LRRC8B: variants seen among roughly 807,000 people sequenced by gnomAD.
LRRC8B encodes leucine rich repeat containing 8 VRAC subunit B.
Under a neutral mutation model 58.8 loss-of-function variants are expected in LRRC8B, and 23 were observed. That is an observed-to-expected ratio of 0.39 (90% CI 0.28 to 0.55). The LOEUF is 0.55. LRRC8B is among the 20% of genes least tolerant of loss of function. The pLI, the probability that LRRC8B is intolerant of heterozygous loss-of-function variation, is 0.62. For missense variants in LRRC8B, 694 were observed against 936.0 expected (o/e 0.74, Z 3.37); for synonymous variants, 359 against 374.1 (o/e 0.96, Z 0.47).
rs1468834789 is a variant in LRRC8B, at chr1:89,595,675, C to A, written c.*2632C>A. Reference sequence around the variant, plus strand: ...TACATCTTTTAATTTAAACCTTATACACCAGTGTTTAGGTCGCTTTTGAGA... The same window carrying A: ...TACATCTTTTAATTTAAACCTTATAAACCAGTGTTTAGGTCGCTTTTGAGA... On this transcript the variant is annotated 3_prime_UTR_variant, in exon 6 of 6. Coordinates refer to ENST00000330947, the MANE Select transcript of LRRC8B (RefSeq NM_001369817.2). The A allele has an allele frequency of 6.6e-6, 1 of 152,082 alleles. No individual in the cohort carries two copies. The highest frequency in any genetic ancestry group is 1.5e-5 in the Non-Finnish European group (1 of 67,970). The allele number at this position is 152,082 out of a possible 1,614,324, so 9.4% of individuals were successfully genotyped here. A position where few individuals can be genotyped will look rare whatever the true frequency, so the allele number is the denominator to read the frequency against.
chr1:89,550,119 A>G (rs910392182), intron 1 of LRRC8B: 2 of 152,168 alleles, frequency 1.3e-5, no homozygotes, highest in Non-Finnish European at 2.9e-5. Flanking sequence ...AGGGATACCT[A>G]AGGAGCCCTA....
chr1:89,525,654 G>A (rs1649633160), intron 1 of LRRC8B, among the ~76,000 whole-genome samples: 1 of 152,252 alleles, frequency 6.6e-6, no homozygotes, highest in African/African-American at 2.4e-5. Flanking sequence ...AGTTGAGCAG[G>A]TGCTGAGAGG....
At chr1:89,591,005 C>A (rs529139795) in intron 5 of LRRC8B, among the ~76,000 whole-genome samples, 4 of 152,158 alleles carry the variant, frequency 2.6e-5, no homozygotes, top group Non-Finnish European at 5.9e-5. Flanking sequence ...CTGCACAGGA[C>A]AGCCCCACAG....
intron 5 of LRRC8B, among the ~76,000 whole-genome samples, chr1:89,590,735 C>A (rs1364108595): frequency 6.6e-6 from 1 of 152,232 alleles, no homozygotes. Context: ...TGCTGGGAAT[C>A]TGAAGCTGAC....
chr1:89,526,024 A>G (rs1218296934), intron 1 of LRRC8B, among the ~76,000 whole-genome samples: 1 of 152,242 alleles, frequency 6.6e-6, no homozygotes, highest in Admixed American at 6.5e-5. Flanking sequence ...CAAATGATAT[A>G]GTAGTCTTTG....
At chr1:89,578,634 A>G (rs977614307) in intron 3 of LRRC8B, among the ~76,000 whole-genome samples, 1 of 152,248 alleles carries the variant, frequency 6.6e-6, no homozygotes, top group Non-Finnish European at 1.5e-5. Flanking sequence ...GACAAGCTTA[A>G]AAGATTATTG....
chr1:89,571,430 T>C (rs1450999476), intron 3 of LRRC8B, among the ~76,000 whole-genome samples: 1 of 152,204 alleles, frequency 6.6e-6, no homozygotes, highest in Non-Finnish European at 1.5e-5. Context: ...GTTATCTGTA[T>C]TCCTAGGTAT....
chr1:89,569,281 T>C (rs908764961), intron 3 of LRRC8B, among the ~76,000 whole-genome samples: 2 of 152,204 alleles, frequency 1.3e-5, no homozygotes. Flanking sequence ...TCTGACTCTT[T>C]GAGTTAACTA....
At chr1:89,584,984 C>T (rs962670705) in intron 5 of LRRC8B, among the ~76,000 whole-genome samples, 195 bp downstream of exon 5, 3 of 152,180 alleles carry the variant, frequency 2.0e-5, no homozygotes, top group Non-Finnish European at 4.4e-5. Flanking sequence ...TATGAAAAAA[C>T]ATAAAAGCAT....
intron 1 of LRRC8B, among the ~76,000 whole-genome samples, chr1:89,565,993 T>C (rs1653022970): frequency 6.6e-6 from 1 of 152,176 alleles, no homozygotes; most frequent in African/African-American, 2.4e-5. Context: ...TTCAATACCA[T>C]CCTTGAGAAA....
Position 89,583,012 on chromosome 1 carries a change from T to A in LRRC8B, c.362T>A (p.Phe121Tyr). 1.2e-6 allele frequency: 2 copies of A among 1,614,194 alleles called. No homozygotes were observed. Among genetic ancestry groups the A allele is most frequent in the Non-Finnish European group, 1.7e-6 (2 of 1,180,040 alleles). ...CAGCTCCATTGGTTTGCAAAGTTTTTCCCCTATCTGGTGCTCTTGCACACG... is the reference window on the plus strand; with the variant it reads ...CAGCTCCATTGGTTTGCAAAGTTTTACCCCTATCTGGTGCTCTTGCACACG... ...EKQLHWFAKF[F>Y]PYLVLLHTLI... Residue 121 changes from phenylalanine to tyrosine, a missense_variant, in exon 5 of 6, where the codon TTC becomes TAC. By Grantham distance (22) the Phe-to-Tyr change is conservative. This residue lies in a region of LRRC8B where 316 missense variants were observed against 403.8 expected (regional missense o/e 0.78). Transcript: ENST00000330947. The surrounding 1 kb of genome is among the most constrained non-coding windows in gnomAD (Gnocchi z 5.2).
chr1:89,555,913 G>A (rs1181874681), intron 1 of LRRC8B, among the ~76,000 whole-genome samples: 1 of 152,180 alleles, frequency 6.6e-6, no homozygotes, highest in East Asian at 1.9e-4. Context: ...ACATCACAGA[G>A]CCCCATTCCT....
At chr1:89,559,058 G>A (rs1652404761) in intron 1 of LRRC8B, 1 of 152,102 alleles carries the variant, frequency 6.6e-6, no homozygotes, top group Admixed American at 6.5e-5. Context: ...AGGTGTGGGA[G>A]GAAACGGTAG....
intron 3 of LRRC8B, among the ~76,000 whole-genome samples, chr1:89,571,995 G>A (rs1193643961): frequency 1.3e-5 from 2 of 152,110 alleles, no homozygotes; most frequent in Non-Finnish European, 2.9e-5. Context: ...GTCTAATATT[G>A]TCAGTGGGGT....
chr1:89,588,394 T>G (rs543954059), intron 5 of LRRC8B, among the ~76,000 whole-genome samples: 2 of 152,386 alleles, frequency 1.3e-5, no homozygotes, highest in African/African-American at 4.8e-5. Context: ...CAAATGTGTT[T>G]GAGCAAGACA....
At position 89,592,752 on chromosome 1, in the gene LRRC8B, T is replaced by C. The variant is rs774376134; in HGVS notation, c.2140-19T>C. On this transcript the variant is annotated intron_variant, in intron 5 of 5. Transcript: ENST00000330947. ...ACCAAAAACCTATTTTACCAGCTTCTTTTTTCTTCCCTTTCCAGATTGAGA... is the reference window on the plus strand; with the variant it reads ...ACCAAAAACCTATTTTACCAGCTTCCTTTTTCTTCCCTTTCCAGATTGAGA... 6.2e-7 allele frequency: 1 copy of C among 1,608,546 alleles called. No homozygotes were observed. Among genetic ancestry groups the C allele is most frequent in the Admixed American group, 1.7e-5 (1 of 59,010 alleles).
At chr1:89,549,699 A>G (rs1237602338) in intron 1 of LRRC8B, among the ~76,000 whole-genome samples, 1 of 152,198 alleles carries the variant, frequency 6.6e-6, no homozygotes, top group Non-Finnish European at 1.5e-5. Context: ...TCATCTTCAT[A>G]AAAAACTAAA....
rs1655207996 is a variant in LRRC8B at position 89,594,877 on chromosome 1, A to G, written c.*1834A>G. The stretch of plus-strand genomic sequence containing the variant: ...AACTGCACCTACACAAAACTGGAAA[A>G]CACTATAGGTAAACAGTACTGTGTA... On this transcript the variant is annotated 3_prime_UTR_variant, in exon 6 of 6. Coordinates refer to ENST00000330947, the MANE Select transcript of LRRC8B (RefSeq NM_001369817.2). 2 of 152,124 alleles carry G rather than the reference A, an allele frequency of 1.3e-5. No individual in the cohort carries two copies. 9.4% of individuals were successfully genotyped at this position (152,124 alleles called of 1,614,324 possible). A position where few individuals can be genotyped will look rare whatever the true frequency, so the allele number is the denominator to read the frequency against.
At chr1:89,580,969 G>T (rs1409048557) in intron 4 of LRRC8B, among the ~76,000 whole-genome samples, 1 of 152,046 alleles carries the variant, frequency 6.6e-6, no homozygotes, top group Admixed American at 6.6e-5. Flanking sequence ...CAGGATACCA[G>T]ACCCCAGAAA....
Sources: allele counts gnomAD v4.1 joint callset (sites outside exome capture counted in the v4.1 genomes callset), GRCh38; gene constraint gnomAD v4.1.1; regional missense constraint gnomAD v4.1.1; non-coding constraint Gnocchi (gnomAD v3.1); transcripts MANE v1.5; gene names NCBI Gene and HGNC (gene_info 2026-07-23, HGNC 2026-07-21).